GPRC5B: variants seen among roughly 807,000 people sequenced by gnomAD.
GPRC5B encodes G protein-coupled receptor class C group 5 member B, also known as G protein-coupled receptor family C group 5 member B.
GPRC5B carries 16 observed loss-of-function variants against 30.1 expected under a neutral mutation model. The observed-to-expected ratio is 0.53, with a 90% CI of 0.36 to 0.81. The LOEUF is 0.81. Ranked by LOEUF, GPRC5B falls within the 30% of genes least tolerant of loss-of-function variation. GPRC5B has a pLI of 0.01. For missense variants in GPRC5B, 428 were observed against 544.7 expected (o/e 0.79, Z 2.13); for synonymous variants, 241 against 239.5 (o/e 1.01, Z -0.06).
intron 1 of GPRC5B, among the ~76,000 whole-genome samples, chr16:19,877,406 G>T (rs954017119): frequency 9.2e-5 from 14 of 152,178 alleles, no homozygotes; most frequent in Non-Finnish European, 1.9e-4. Flanking sequence ...GGCACCACTT[G>T]TCTCAAGTGG....
At chr16:19,874,002 C>T (rs868311623) in intron 1 of GPRC5B, among the ~76,000 whole-genome samples, 8 of 152,058 alleles carry the variant, frequency 5.3e-5, no homozygotes, top group African/African-American at 1.2e-4. Context: ...AGGCTGGTCT[C>T]GAACTCCTGA....
At chr16:19,882,605 C>G (rs746194266) in intron 1 of GPRC5B, among the ~76,000 whole-genome samples, 4 of 152,122 alleles carry the variant, frequency 2.6e-5, no homozygotes, top group Non-Finnish European at 4.4e-5. Flanking sequence ...AGGCTCCCAG[C>G]GTCTCTCTAT....
At chr16:19,877,895 T>A (rs2056771016) in intron 1 of GPRC5B, among the ~76,000 whole-genome samples, 1 of 152,074 alleles carries the variant, frequency 6.6e-6, no homozygotes, top group African/African-American at 2.4e-5. Context: ...GACTGGCAAG[T>A]CAATCAAAGT....
intron 1 of GPRC5B, chr16:19,874,759 A>T (rs2056748169): frequency 6.6e-6 from 1 of 152,322 alleles, no homozygotes; most frequent in East Asian, 1.9e-4. Flanking sequence ...CTGTAGACTC[A>T]AGCTCGACAC....
intron 2 of GPRC5B, among the ~76,000 whole-genome samples, chr16:19,866,481 C>T (rs944991604): frequency 6.6e-6 from 1 of 152,086 alleles, no homozygotes; most frequent in South Asian, 2.1e-4. Context: ...CTCAGCCTCC[C>T]GAGCGAGTAC....
At chr16:19,869,323 G>T (rs1255583388) in intron 2 of GPRC5B, among the ~76,000 whole-genome samples, 6 of 129,964 alleles carry the variant, frequency 4.6e-5, no homozygotes, top group Admixed American at 2.5e-4. Context: ...GACAGAGTGA[G>T]ACTCTGCCTC....
At chr16:19,873,853 A>C (rs1597630877) in intron 1 of GPRC5B, among the ~76,000 whole-genome samples, 1 of 152,042 alleles carries the variant, frequency 6.6e-6, no homozygotes, top group South Asian at 2.1e-4. Flanking sequence ...TCGGAGGCTC[A>C]CTACAGCCTC....
chr16:19,866,286 G>A (rs546777346), intron 2 of GPRC5B, among the ~76,000 whole-genome samples: 5 of 152,146 alleles, frequency 3.3e-5, no homozygotes, highest in African/African-American at 1.2e-4. Context: ...CTGCCCCATT[G>A]TGTGTGAGTG....
intron 1 of GPRC5B, among the ~76,000 whole-genome samples, chr16:19,873,231 G>A (rs927775965): frequency 6.6e-6 from 1 of 152,156 alleles, no homozygotes; most frequent in Non-Finnish European, 1.5e-5. Context: ...TTGGGAGGCA[G>A]AGGCGGGCGG....
At position 19,872,645 on chromosome 16, in the gene GPRC5B, G is replaced by C. The variant is rs1226276408; in HGVS notation, c.201C>G (p.Ala67=). 1.9e-6 allele frequency: 3 copies of C among 1,614,102 alleles called. No homozygotes were observed. Among genetic ancestry groups the C allele is most frequent in the Non-Finnish European group, 2.5e-6 (3 of 1,179,978 alleles). Residue 67 remains alanine, a synonymous_variant, in exon 2 of 4, where the codon GCC becomes GCG. Transcript: ENST00000300571. The surrounding 1 kb of genome is among the most constrained non-coding windows in gnomAD (Gnocchi z 5.0). Reference sequence around the variant, plus strand: ...TGAGCATCAGGAGCAGTGTGATCAGGGCGCCCGCCCCGGCCACCGCCTCCA... The same window carrying C: ...TGAGCATCAGGAGCAGTGTGATCAGCGCGCCCGCCCCGGCCACCGCCTCCA... ...IVVEAVAGAG[A]LITLLLMLIL...
rs371286360 is a variant in GPRC5B, at chr16:19,871,892, C to G, written c.954G>C (p.Thr318=). Residue 318 remains threonine, a synonymous_variant, in exon 2 of 4, where the codon ACG becomes ACC. Transcript: ENST00000300571. ...GCAGCTGCACGTCCTCCTCGAAGGCCGTCTCCCGCATCCTGGGCTGCGACG... is the reference window on the plus strand; with the variant it reads ...GCAGCTGCACGTCCTCCTCGAAGGCGGTCTCCCGCATCCTGGGCTGCGACG... ...FDTSQPRMRE[T]AFEEDVQLPR... 1.2e-6 allele frequency: 2 copies of G among 1,614,060 alleles called. No individual in the cohort carries two copies. Among genetic ancestry groups the G allele is most frequent in the Non-Finnish European group, 1.7e-6 (2 of 1,180,044 alleles).
intron 2 of GPRC5B, among the ~76,000 whole-genome samples, chr16:19,869,870 G>A (rs747440674): frequency 3.9e-5 from 6 of 152,120 alleles, no homozygotes; most frequent in Non-Finnish European, 5.9e-5. Context: ...TCAGGAATTC[G>A]AGACCACCCT....
chr16:19,871,701 T>A, intron 2 of GPRC5B, 115 bp downstream of exon 2: 1 of 894,772 alleles, frequency 1.1e-6, no homozygotes, highest in Admixed American at 2.0e-5. Context: ...TGGGTTCTGA[T>A]CTGCTAGGAC....
At chr16:19,862,745 C>T (rs568996288) in intron 2 of GPRC5B, among the ~76,000 whole-genome samples, 2 of 152,214 alleles carry the variant, frequency 1.3e-5, no homozygotes, top group East Asian at 1.9e-4. Context: ...ATGGCAAAAC[C>T]CCCTCTACTA....
intron 2 of GPRC5B, among the ~76,000 whole-genome samples, chr16:19,869,842 T>TG (rs1313665917): frequency 2.6e-5 from 4 of 152,026 alleles, no homozygotes; most frequent in Admixed American, 2.0e-4. Context: ...GAAGCTGAGG[T>TG]GGGGGGATCA....
chr16:19,872,209 C>T lies in GPRC5B; in HGVS notation c.637G>A (p.Val213Ile). The change falls in exon 2 of 4, where the codon GTC (valine) becomes ATC (isoleucine). Residue 213 changes from valine to isoleucine, a missense_variant. Val to Ile is a conservative substitution (Grantham distance 29). Coordinates refer to ENST00000300571, the MANE Select transcript of GPRC5B (RefSeq NM_016235.3). This position sits in a 1 kb window ranked among gnomAD's most constrained non-coding sequence, Gnocchi z 5.0. ...GTGAAGAGGGCCAGCCCCAGGGTGA[C>T]CACAAGCAGTACCATGTCGTAGATG... ...ALIYDMVLLV[V>I]TLGLALFTLC... 6.2e-7 allele frequency: 1 copy of T among 1,614,182 alleles called. No homozygotes were observed. Among genetic ancestry groups the T allele is most frequent in the Non-Finnish European group, 8.5e-7 (1 of 1,180,028 alleles).
intron 1 of GPRC5B, among the ~76,000 whole-genome samples, chr16:19,880,552 G>A (rs940062524): frequency 2.0e-5 from 3 of 152,156 alleles, no homozygotes; most frequent in African/African-American, 7.2e-5. Flanking sequence ...CAACGAAAGA[G>A]GTCCCTGAGG....
chr16:19,880,438 A>AAAATAAAATAAAAT (rs772236294), intron 1 of GPRC5B, among the ~76,000 whole-genome samples: 4 of 108,294 alleles, frequency 3.7e-5, no homozygotes, highest in Non-Finnish European at 6.8e-5. Context: ...TAAATAAAAT[A>AAAATAAAATAAAAT]AAATAAAATA....
At chr16:19,873,237 G>A (rs2056737168) in intron 1 of GPRC5B, among the ~76,000 whole-genome samples, 1 of 152,126 alleles carries the variant, frequency 6.6e-6, no homozygotes, top group Non-Finnish European at 1.5e-5. Flanking sequence ...GGCAGAGGCG[G>A]GCGGATCACG....
Sources: gnomAD v4.1 joint callset for allele counts (sites outside exome capture counted in the v4.1 genomes callset) on GRCh38, gnomAD v4.1.1 for gene constraint, Gnocchi (gnomAD v3.1) non-coding constraint, MANE v1.5 for transcripts, NCBI Gene and HGNC (gene_info 2026-07-23, HGNC 2026-07-21) for gene names.